CD1B: variants seen among roughly 807,000 people sequenced by gnomAD.
CD1B encodes the protein T-cell surface glycoprotein CD1b.
A neutral mutation model predicts 39.8 loss-of-function variants in CD1B; 43 were observed. That is an observed-to-expected ratio of 1.08 (90% CI 0.85 to 1.39). CD1B has a LOEUF of 1.39. Among genes scored for constraint, CD1B ranks in the 40% most tolerant of loss-of-function variants. CD1B has a pLI of 0.00. For synonymous variants in CD1B, 192 were observed against 152.5 expected, an observed-to-expected ratio of 1.26 and a Z score of -1.91; for missense variants, 495 against 403.8, an observed-to-expected ratio of 1.23 and a Z score of -1.94.
the CD1B span, chr1:158,293,213 A>G: frequency 2.5e-6 from 4 of 1,611,920 alleles, no homozygotes; most frequent in East Asian, 2.2e-5. Context: ...TATGTGCAGG[A>G]CACCACTTTT....
At chr1:158,286,791 A>AC in the CD1B span, among the ~76,000 whole-genome samples, 1 of 152,124 alleles carries the variant, frequency 6.6e-6, no homozygotes, top group East Asian at 1.9e-4. Context: ...TGAGGGTGTT[A>AC]CTTACTCTTC....
the CD1B span, among the ~76,000 whole-genome samples, chr1:158,296,713 T>C: frequency 6.6e-6 from 1 of 152,192 alleles, no homozygotes; most frequent in East Asian, 1.9e-4. Context: ...AGTAAAATAA[T>C]ACAATAACTG....
the CD1B span, among the ~76,000 whole-genome samples, chr1:158,311,173 T>G: frequency 1.3e-5 from 2 of 152,160 alleles, no homozygotes; most frequent in Non-Finnish European, 2.9e-5. Context: ...GTTTTTAATG[T>G]GTTTTTTGTT....
chr1:158,324,337 C>A (rs1476384414), downstream of CD1B, among the ~76,000 whole-genome samples: 1 of 152,112 alleles, frequency 6.6e-6, no homozygotes, highest in African/African-American at 2.4e-5. Context: ...CAGATTACTC[C>A]CTGATTCCTG....
At chr1:158,312,981 G>T in the CD1B span, among the ~76,000 whole-genome samples, 1 of 152,020 alleles carries the variant, frequency 6.6e-6, no homozygotes, top group South Asian at 2.1e-4. Flanking sequence ...ATTAGCTGTG[G>T]GTTTCTCATA....
the CD1B span, among the ~76,000 whole-genome samples, chr1:158,305,178 A>G: frequency 6.6e-6 from 1 of 152,138 alleles, no homozygotes. Context: ...CAAAGAAGTT[A>G]AAAATCTTGA....
the CD1B span, among the ~76,000 whole-genome samples, chr1:158,317,101 A>T: frequency 6.6e-6 from 1 of 151,946 alleles, no homozygotes; most frequent in Admixed American, 6.6e-5. Flanking sequence ...TTCATCAAGG[A>T]TATTGATTGG....
At chr1:158,297,196 C>A in the CD1B span, among the ~76,000 whole-genome samples, 1 of 151,968 alleles carries the variant, frequency 6.6e-6, no homozygotes, top group South Asian at 2.1e-4. Flanking sequence ...CTAAAGGCAA[C>A]CAGAGAGGAG....
the CD1B span, among the ~76,000 whole-genome samples, chr1:158,289,448 C>T: frequency 6.6e-6 from 1 of 152,012 alleles, no homozygotes; most frequent in Admixed American, 6.5e-5. Flanking sequence ...TATAATTGTG[C>T]AGGGAAATCT....
chr1:158,318,936 T>G, the CD1B span, among the ~76,000 whole-genome samples: 6 of 152,238 alleles, frequency 3.9e-5, no homozygotes, highest in Admixed American at 6.5e-5. Context: ...TTAGTTTGGC[T>G]GGATATTTAA....
chr1:158,312,155 G>GTCCC, the CD1B span, among the ~76,000 whole-genome samples: 1 of 152,190 alleles, frequency 6.6e-6, no homozygotes, highest in Non-Finnish European at 1.5e-5. Flanking sequence ...TTGGCCCTGT[G>GTCCC]TCCCCACCCA....
the CD1B span, among the ~76,000 whole-genome samples, chr1:158,313,565 T>G: frequency 1.7e-4 from 26 of 152,146 alleles, no homozygotes; most frequent in African/African-American, 6.3e-4. Flanking sequence ...CCTCCTTGGC[T>G]TCCCAAAGTG....
the CD1B span, among the ~76,000 whole-genome samples, chr1:158,303,891 G>A: frequency 6.6e-6 from 1 of 152,124 alleles, no homozygotes; most frequent in East Asian, 1.9e-4. Flanking sequence ...AAGTACCAAT[G>A]ACATTTTTTC....
At chr1:158,316,915 T>A in the CD1B span, among the ~76,000 whole-genome samples, 1 of 151,876 alleles carries the variant, frequency 6.6e-6, no homozygotes, top group African/African-American at 2.4e-5. Flanking sequence ...ATTGAGATAA[T>A]CATGTGGTTT....
the CD1B span, chr1:158,293,365 T>C: frequency 6.3e-7 from 1 of 1,593,454 alleles, no homozygotes; most frequent in Non-Finnish European, 8.6e-7. Flanking sequence ...TTTTTCACTC[T>C]CTTAGCTTTT....
the CD1B span, among the ~76,000 whole-genome samples, chr1:158,314,853 G>C: frequency 5.0e-4 from 68 of 136,808 alleles, no homozygotes; most frequent in African/African-American, 1.7e-3. Flanking sequence ...TCCCCTTCCT[G>C]TGTCCATGTG....
At chr1:158,331,098 A>T (rs776285565) in intron 1 of CD1B, 36 bp from the exon 2 acceptor site, 2 of 1,557,934 alleles carry the variant, frequency 1.3e-6, no homozygotes, top group Non-Finnish European at 8.7e-7. Flanking sequence ...GTGAAGATAA[A>T]GAGAGAAGCA....
At chr1:158,317,679 T>C in the CD1B span, among the ~76,000 whole-genome samples, 552 of 152,226 alleles carry the variant, frequency 3.6e-3, 2 homozygotes, top group African/African-American at 0.013. Context: ...CTGCTCTGAT[T>C]TTAGTTATCT....
At chr1:158,328,889 T>TA (rs113639863) in intron 5 of CD1B, 32 bp downstream of exon 5, 83,042 of 1,031,038 alleles carry the variant, frequency 0.081, no homozygotes, top group South Asian at 0.097. Flanking sequence ...AAAGACATAT[T>TA]AAAAAAAAAA....
Sources: allele counts gnomAD v4.1 joint callset (sites outside exome capture counted in the v4.1 genomes callset), GRCh38; gene constraint gnomAD v4.1.1; transcripts MANE v1.5; gene names NCBI Gene and HGNC (gene_info 2026-07-23, HGNC 2026-07-21).